Variants in ADGRL3 observed in about 807,000 individuals in gnomAD.
ADGRL3 encodes calcium-independent alpha-latrotoxin receptor 3.
ADGRL3 carries 62 observed loss-of-function variants against 153.5 expected under a neutral mutation model. That is an observed-to-expected ratio of 0.40 (90% confidence interval 0.33 to 0.50). ADGRL3 has a LOEUF of 0.50. ADGRL3 is among the 20% of genes least tolerant of loss of function. The probability of loss-of-function intolerance (pLI) is 0.47; values close to 1 mark genes in which losing one functional copy is unlikely to be tolerated. For synonymous variants in ADGRL3, 710 were observed against 672.5 expected (o/e 1.06, Z -0.86); for missense variants, 1,641 against 1,859.4 (o/e 0.88, Z 2.16).
chr4:61,875,500 T>C (rs181928377), intron 9 of ADGRL3, among the ~76,000 whole-genome samples: 27 of 152,360 alleles, frequency 1.8e-4, no homozygotes, highest in Admixed American at 5.2e-4. Context: ...ATACTTTTAG[T>C]ATAAGCTGAA....
chr4:61,221,832 A>G (rs1265091448), intron 1 of ADGRL3, among the ~76,000 whole-genome samples: 1 of 152,174 alleles, frequency 6.6e-6, no homozygotes, highest in African/African-American at 2.4e-5. Context: ...AAGATAAAAA[A>G]TATTCGCAAT....
intron 8 of ADGRL3, among the ~76,000 whole-genome samples, chr4:61,778,571 G>A (rs761532220): frequency 6.6e-5 from 10 of 152,108 alleles, no homozygotes; most frequent in South Asian, 2.1e-4. Flanking sequence ...TGCAACATTC[G>A]GTTTTTTAAA....
At chr4:61,753,962 T>C (rs1398720501) in intron 8 of ADGRL3, among the ~76,000 whole-genome samples, 7 of 152,130 alleles carry the variant, frequency 4.6e-5, no homozygotes, top group Non-Finnish European at 7.4e-5. Context: ...GTGGCACCTA[T>C]AGATTTGGGT....
chr4:61,848,210 A>T (rs1317445326), intron 9 of ADGRL3, among the ~76,000 whole-genome samples: 1 of 145,132 alleles, frequency 6.9e-6, no homozygotes. Context: ...TCTAATTCTG[A>T]AGCCATGTGC....
intron 2 of ADGRL3, among the ~76,000 whole-genome samples, chr4:61,417,077 A>G (rs2097151947): frequency 6.6e-6 from 1 of 152,138 alleles, no homozygotes; most frequent in Admixed American, 6.6e-5. Context: ...CTGATCTGAC[A>G]GGAGGCAGAT....
At chr4:61,709,913 G>T (rs12649170) in intron 6 of ADGRL3, among the ~76,000 whole-genome samples, 108,541 of 152,044 alleles carry the variant, frequency 0.71, 39,889 homozygotes, top group East Asian at 0.94. Flanking sequence ...CTTCTGGAAG[G>T]GGCTTGTGGG....
chr4:61,901,767 T>G (rs2098665941), intron 11 of ADGRL3, among the ~76,000 whole-genome samples: 1 of 152,126 alleles, frequency 6.6e-6, no homozygotes, highest in South Asian at 2.1e-4. Context: ...ATGTTATCTG[T>G]CTCTGTCATA....
At chr4:62,053,860 A>T (rs1735572557) in intron 25 of ADGRL3, among the ~76,000 whole-genome samples, 2 of 151,530 alleles carry the variant, frequency 1.3e-5, no homozygotes, top group African/African-American at 4.8e-5. Flanking sequence ...TTAAAAATAC[A>T]CCAATACTGG....
chr4:61,611,382 C>T (rs547562265), intron 5 of ADGRL3, among the ~76,000 whole-genome samples: 1 of 152,224 alleles, frequency 6.6e-6, no homozygotes, highest in East Asian at 1.9e-4. Flanking sequence ...TGAGCAGCCA[C>T]TTCTCACATG....
At chr4:61,720,601 A>C (rs1221215250) in intron 6 of ADGRL3, among the ~76,000 whole-genome samples, 5 of 152,186 alleles carry the variant, frequency 3.3e-5, no homozygotes, top group African/African-American at 1.2e-4. Flanking sequence ...ATCAGTGGAG[A>C]TATTCAATAA....
intron 6 of ADGRL3, among the ~76,000 whole-genome samples, chr4:61,700,258 T>C (rs573707753): frequency 5.9e-5 from 9 of 152,188 alleles, no homozygotes; most frequent in African/African-American, 2.2e-4. Context: ...ACATAATTAC[T>C]TTAAGGACTC....
chr4:61,947,990 T>C (rs1191937886), intron 16 of ADGRL3, 110 bp from the exon 17 acceptor site: 1 of 841,206 alleles, frequency 1.2e-6, no homozygotes, highest in Non-Finnish European at 1.8e-6. Flanking sequence ...TAGACATCTC[T>C]AAAAAATTGG....
chr4:61,370,021 G>T (rs1206821816), intron 1 of ADGRL3, among the ~76,000 whole-genome samples: 1 of 152,012 alleles, frequency 6.6e-6, no homozygotes, highest in South Asian at 2.1e-4. Flanking sequence ...TTGCATAGAG[G>T]TGTTTGTAGT....
At chr4:61,570,847 G>A (rs1298016361) in intron 4 of ADGRL3, among the ~76,000 whole-genome samples, 1 of 152,074 alleles carries the variant, frequency 6.6e-6, no homozygotes, top group African/African-American at 2.4e-5. Context: ...TCTTGTGTCT[G>A]TAGCTATATT....
At chr4:61,772,521 A>G (rs1337778268) in intron 8 of ADGRL3, among the ~76,000 whole-genome samples, 1 of 152,230 alleles carries the variant, frequency 6.6e-6, no homozygotes, top group Admixed American at 6.5e-5. Context: ...CTTCCTAAGG[A>G]AATGAAGACC....
At position 61,934,966 on chromosome 4, in the gene ADGRL3, G is replaced by C; in HGVS notation, c.2239G>C (p.Val747Leu). 1 of 1,613,858 alleles carries C rather than the reference G, an allele frequency of 6.2e-7. No individual in the cohort carries two copies. The change falls in exon 14 of 27, where the codon GTG becomes CTG. Residue 747 changes from valine (V) to leucine (L), a missense_variant. This residue lies in a region of ADGRL3 where 734 missense variants were observed against 797.0 expected (regional missense o/e 0.92). Coordinates refer to ENST00000683033, the MANE Select transcript of ADGRL3 (RefSeq NM_001387552.1). Reference protein sequence around the residue: ...LLHTVEESAFVLADNLLKTDI... With the variant: ...LLHTVEESAFLLADNLLKTDI... ...TCATACTGTGGAGGAAAGTGCTTTT[G>C]TGCTGGCTGATAACCTTTTGAAGAC... is the stretch of plus-strand genomic sequence containing the variant.
At chr4:61,557,882 A>G (rs1019820118) in intron 4 of ADGRL3, among the ~76,000 whole-genome samples, 1 of 151,782 alleles carries the variant, frequency 6.6e-6, no homozygotes, top group Non-Finnish European at 1.5e-5. Context: ...TTTCATAAGA[A>G]GGGAATATAG....
chr4:61,591,215 G>T (rs2098967784), intron 5 of ADGRL3, among the ~76,000 whole-genome samples: 1 of 152,094 alleles, frequency 6.6e-6, no homozygotes, highest in South Asian at 2.1e-4. Flanking sequence ...CTTCTCTCAT[G>T]TAATGATTTA....
At chr4:61,502,169 C>T (rs899399840) in intron 3 of ADGRL3, among the ~76,000 whole-genome samples, 1 of 152,088 alleles carries the variant, frequency 6.6e-6, no homozygotes, top group African/African-American at 2.4e-5. Context: ...ACCTGGGGCT[C>T]ATTTTGATAG....
Sources: gnomAD v4.1 joint callset for allele counts (sites outside exome capture counted in the v4.1 genomes callset) on GRCh38, gnomAD v4.1.1 for gene constraint, gnomAD v4.1.1 regional missense constraint, MANE v1.5 for transcripts, NCBI Gene and HGNC (gene_info 2026-07-23, HGNC 2026-07-21) for gene names.